DACH1: variants seen among roughly 807,000 people sequenced by gnomAD.
The protein encoded by DACH1 is dachshund family transcription factor 1, also known as dachshund homolog 1.
DACH1 carries 12 observed loss-of-function variants against 54.2 expected under a neutral mutation model. The observed-to-expected ratio is 0.22, with a 90% CI of 0.14 to 0.36. DACH1 has a LOEUF of 0.36. Among genes scored for constraint, DACH1 ranks in the 10% least tolerant of loss-of-function variants. DACH1 has a pLI of 1.00. For synonymous variants in DACH1, 386 were observed against 366.2 expected, an observed-to-expected ratio of 1.05 and a Z score of -0.62; for missense variants, 805 against 929.8, an observed-to-expected ratio of 0.87 and a Z score of 1.75.
At chr13:71,835,929 T>C (rs713401) in intron 1 of DACH1, among the ~76,000 whole-genome samples, 59,414 of 151,922 alleles carry the variant, frequency 0.39, 12,978 homozygotes, top group East Asian at 0.85. Flanking sequence ...GTATTTAAGA[T>C]ATTTATACCT....
In DACH1 at chr13:71,866,418, C is replaced by CGCCGCCGCT; in HGVS notation, c.343_351dup (p.Ser115_Gly117dup). 1 of 1,427,802 alleles carries CGCCGCCGCT rather than the reference C, an allele frequency of 7.0e-7. No individual in the cohort carries two copies. The highest frequency in any genetic ancestry group is 9.2e-7 in the Non-Finnish European group (1 of 1,085,494). 88.4% of individuals were successfully genotyped at this position (1,427,802 alleles called of 1,614,324 possible). A position where few individuals can be genotyped will look rare whatever the true frequency, so the allele number is the denominator to read the frequency against. On this transcript the variant is annotated inframe_insertion, in exon 1 of 11. Transcript: ENST00000613252. Reference sequence around the variant, plus strand: ...CCGCCAGCGCTGATGCCGCCGCCGCCGCCGCCGCTGCCGTTGCTCGCGGCC... The same window carrying CGCCGCCGCT: ...CCGCCAGCGCTGATGCCGCCGCCGCCGCCGCCGCTGCCGCCGCTGCCGTTGCTCGCGGCC...
At chr13:71,451,193 T>C (rs760725884) in intron 10 of DACH1, among the ~76,000 whole-genome samples, 1 of 152,142 alleles carries the variant, frequency 6.6e-6, no homozygotes, top group African/African-American at 2.4e-5. Context: ...GTACACACAG[T>C]TGGGATCCCA....
intron 1 of DACH1, among the ~76,000 whole-genome samples, chr13:71,816,640 ATG>A (rs775594717): frequency 3.9e-5 from 1 of 25,376 alleles, no homozygotes; most frequent in Non-Finnish European, 1.1e-4. Context: ...ACACACACAT[ATG>A]TGTGTATATA....
At chr13:71,714,718 G>T (rs1029315853) in intron 1 of DACH1, among the ~76,000 whole-genome samples, 10 of 152,156 alleles carry the variant, frequency 6.6e-5, no homozygotes, top group East Asian at 5.8e-4. Context: ...TACTGAAAGT[G>T]CAGGTTAAAC....
intron 1 of DACH1, among the ~76,000 whole-genome samples, chr13:71,754,819 G>A (rs538660799): frequency 1.3e-5 from 2 of 151,908 alleles, no homozygotes; most frequent in South Asian, 2.1e-4. Flanking sequence ...TCACTGCATT[G>A]CAGGAGAGTC....
intron 1 of DACH1, among the ~76,000 whole-genome samples, chr13:71,796,886 A>G (rs1456856997): frequency 1.3e-5 from 2 of 152,112 alleles, no homozygotes; most frequent in Non-Finnish European, 2.9e-5. Flanking sequence ...TCTCTTATTG[A>G]TCCTCTTTGT....
At chr13:71,861,904 A>T in intron 1 of DACH1, among the ~76,000 whole-genome samples, 1 of 126,216 alleles carries the variant, frequency 7.9e-6, no homozygotes, top group Admixed American at 8.9e-5. Flanking sequence ...TAAAACTCCT[A>T]ACCAAAAAAA....
intron 10 of DACH1, among the ~76,000 whole-genome samples, chr13:71,463,619 A>T (rs149006377): frequency 6.6e-6 from 1 of 151,994 alleles, no homozygotes; most frequent in Non-Finnish European, 1.5e-5. Flanking sequence ...ACTTACATCT[A>T]TGTACCTCAG....
rs79552096 is a variant in DACH1 at position 71,702,759 on chromosome 13, A to G, written c.849-20849T>C. Among the ~76,000 whole-genome samples, 21 of 152,258 alleles carry G rather than the reference A, an allele frequency of 1.4e-4. 1 individual carries two copies. In the East Asian group the frequency reaches 4.1e-3, roughly 29 times the overall value. ...TTTATTTTAAAGGATTAAACCATAA[A>G]TTACTTCTTTAAAATTAGTGAGAAA... On this transcript the variant is annotated intron_variant, in intron 1 of 10. Coordinates refer to ENST00000613252, the MANE Select transcript of DACH1 (RefSeq NM_080759.6).
intron 1 of DACH1, among the ~76,000 whole-genome samples, chr13:71,765,418 T>A (rs1326952156): frequency 2.0e-5 from 3 of 152,216 alleles, no homozygotes; most frequent in Non-Finnish European, 4.4e-5. Context: ...GTTATAATAA[T>A]CTTCTAACTA....
At chr13:71,742,425 T>C (rs77350460) in intron 1 of DACH1, among the ~76,000 whole-genome samples, 12,407 of 152,188 alleles carry the variant, frequency 0.082, 830 homozygotes, top group East Asian at 0.29. Context: ...CCAAATATCA[T>C]ACTAATGTTG....
At chr13:71,567,751 T>A (rs1295165139) in intron 4 of DACH1, among the ~76,000 whole-genome samples, 1 of 152,030 alleles carries the variant, frequency 6.6e-6, no homozygotes, top group Non-Finnish European at 1.5e-5. Flanking sequence ...AAAGTCGAAA[T>A]GCAAATCCAA....
intron 1 of DACH1, among the ~76,000 whole-genome samples, chr13:71,865,502 C>A (rs1874675067): frequency 1.3e-5 from 2 of 152,160 alleles, no homozygotes; most frequent in Non-Finnish European, 2.9e-5. Flanking sequence ...GGGAGGCTGG[C>A]CGTGGAACCC....
intron 1 of DACH1, among the ~76,000 whole-genome samples, chr13:71,775,823 T>A (rs1158323110): frequency 6.6e-5 from 10 of 152,144 alleles, no homozygotes; most frequent in Admixed American, 5.9e-4. Flanking sequence ...ATTTTCAATT[T>A]TAAATAATAC....
chr13:71,562,540 C>T (rs1392003724), intron 4 of DACH1, among the ~76,000 whole-genome samples: 1 of 152,042 alleles, frequency 6.6e-6, no homozygotes, highest in East Asian at 1.9e-4. Flanking sequence ...AGATGGCATC[C>T]AACTTTACAG....
rs375785303 is a variant in DACH1, at chr13:71,681,801, G to A, written c.958C>T (p.Pro320Ser). The A allele has an allele frequency of 3.7e-6, 6 of 1,612,550 alleles. No individual in the cohort carries two copies. The African/African-American group carries it at 8.0e-5, about 22-fold the overall frequency. Residue 320 changes from proline to serine, a missense_variant, in exon 2 of 11, where the codon CCA becomes TCA. By Grantham distance (74) the Pro-to-Ser change is moderately conservative. Coordinates refer to ENST00000613252, the MANE Select transcript of DACH1 (RefSeq NM_080759.6). ...AAGTGAGTAGCAGTCTTACCTGTTG[G>A]TGGAATTATCCCAGGAGACATGAGA... ...PGLMSPGIIP[P>S]TGLTAAAAAA...
chr13:71,804,405 A>T lies in DACH1; in HGVS notation c.848+61517T>A, dbSNP rs184637822. On this transcript the variant is annotated intron_variant, in intron 1 of 10. Transcript: ENST00000613252. Reference sequence around the variant, plus strand: ...TCCTCCCCATCATCTTCCTTCTCTTACCACTGCGACCAGTGTGATTCTGGC... The same window carrying T: ...TCCTCCCCATCATCTTCCTTCTCTTTCCACTGCGACCAGTGTGATTCTGGC... 1.2e-4 allele frequency among the ~76,000 whole-genome samples: 18 copies of T among 152,250 alleles called. No homozygotes were observed. The East Asian group carries it at 3.1e-3, about 26-fold the overall frequency.
chr13:71,549,335 T>C (rs1883657803), intron 6 of DACH1, among the ~76,000 whole-genome samples: 1 of 152,102 alleles, frequency 6.6e-6, no homozygotes, highest in African/African-American at 2.4e-5. Flanking sequence ...AACAATCTCT[T>C]AAACAGTGAG....
intron 1 of DACH1, among the ~76,000 whole-genome samples, chr13:71,735,537 TG>T (rs1397158128): frequency 8.1e-6 from 1 of 123,022 alleles, no homozygotes; most frequent in African/African-American, 3.6e-5. Context: ...TACACGTATA[TG>T]GGATATACGT....
Sources: allele counts gnomAD v4.1 joint callset (sites outside exome capture counted in the v4.1 genomes callset), GRCh38; gene constraint gnomAD v4.1.1; transcripts MANE v1.5; gene names NCBI Gene and HGNC (gene_info 2026-07-23, HGNC 2026-07-21).